Variants in AKAP19 observed in about 807,000 individuals in gnomAD.
The protein encoded by AKAP19 is A-kinase anchoring protein 19, also known as small A-kinase anchoring protein.
chr2:190,201,622 A>G, the AKAP19 span: 1 of 167,078 alleles, frequency 6.0e-6, no homozygotes, highest in African/African-American at 2.4e-5. Context: ...AAATAGAGTG[A>G]ATTCTCCAAG....
chr2:189,997,524 CT>C, the AKAP19 span, among the ~76,000 whole-genome samples: 1 of 152,096 alleles, frequency 6.6e-6, no homozygotes, highest in African/African-American at 2.4e-5. Context: ...GGGATTATGG[CT>C]GCCTCTGTCA....
chr2:190,125,035 TCTC>T, the AKAP19 span, among the ~76,000 whole-genome samples: 1 of 152,144 alleles, frequency 6.6e-6, no homozygotes, highest in Admixed American at 6.5e-5. Flanking sequence ...GGAGCTGTCA[TCTC>T]CTCTGACAAC....
At chr2:190,107,406 G>A in the AKAP19 span, among the ~76,000 whole-genome samples, 1 of 151,884 alleles carries the variant, frequency 6.6e-6, no homozygotes, top group African/African-American at 2.4e-5. Context: ...TTTCATTCAA[G>A]TTGTGATTCC....
chr2:189,881,608 C>T, the AKAP19 span, among the ~76,000 whole-genome samples: 8 of 152,128 alleles, frequency 5.3e-5, no homozygotes, highest in African/African-American at 1.9e-4. Flanking sequence ...TTATTTTCTT[C>T]TGAAGTTTAA....
chr2:190,200,497 T>TTAAAA, the AKAP19 span: 1 of 186,302 alleles, frequency 5.4e-6, no homozygotes, highest in African/African-American at 2.7e-5. Flanking sequence ...AGTTTATCCT[T>TTAAAA]TAAAATAACA....
At chr2:190,051,430 G>T in the AKAP19 span, among the ~76,000 whole-genome samples, 1 of 152,192 alleles carries the variant, frequency 6.6e-6, no homozygotes, top group African/African-American at 2.4e-5. Context: ...TCTTTGGCCA[G>T]GATGAGGAAT....
At chr2:190,156,144 T>C in the AKAP19 span, among the ~76,000 whole-genome samples, 2 of 152,064 alleles carry the variant, frequency 1.3e-5, no homozygotes, top group Non-Finnish European at 2.9e-5. Context: ...AAGAATAGAA[T>C]AGAGGGCTCA....
At chr2:189,974,595 T>G in the AKAP19 span, among the ~76,000 whole-genome samples, 1 of 152,200 alleles carries the variant, frequency 6.6e-6, no homozygotes, top group African/African-American at 2.4e-5. Flanking sequence ...AGTCTCCCAT[T>G]ATTATTGTGT....
At chr2:190,102,761 C>T in the AKAP19 span, among the ~76,000 whole-genome samples, 9 of 152,036 alleles carry the variant, frequency 5.9e-5, no homozygotes, top group East Asian at 5.8e-4. Flanking sequence ...TACTGCTAGA[C>T]GTACAAAGAA....
chr2:190,078,444 G>A, the AKAP19 span, among the ~76,000 whole-genome samples: 3 of 152,074 alleles, frequency 2.0e-5, no homozygotes, highest in Admixed American at 2.0e-4. Flanking sequence ...TGGAAATAAA[G>A]CACTTATGAT....
chr2:189,989,384 G>A, the AKAP19 span, among the ~76,000 whole-genome samples: 12 of 151,902 alleles, frequency 7.9e-5, no homozygotes, highest in East Asian at 2.3e-3. Flanking sequence ...TTCAATAAAT[G>A]TAATGAACTA....
the AKAP19 span, among the ~76,000 whole-genome samples, chr2:189,969,954 C>G: frequency 6.7e-6 from 1 of 149,246 alleles, no homozygotes; most frequent in African/African-American, 2.5e-5. Flanking sequence ...CTCACTGCAG[C>G]CTCAATCTCC....
chr2:190,114,503 G>A, the AKAP19 span, among the ~76,000 whole-genome samples: 1 of 152,114 alleles, frequency 6.6e-6, no homozygotes. Context: ...TTGCCCAGGC[G>A]GGAGTCCAGT....
the AKAP19 span, among the ~76,000 whole-genome samples, chr2:189,902,832 T>A: frequency 4.6e-5 from 7 of 151,886 alleles, no homozygotes; most frequent in African/African-American, 1.7e-4. Context: ...TAAGGAAGGT[T>A]ATCGGTTTCA....
the AKAP19 span, among the ~76,000 whole-genome samples, chr2:189,981,829 C>G: frequency 6.6e-6 from 1 of 152,064 alleles, no homozygotes; most frequent in Non-Finnish European, 1.5e-5. Flanking sequence ...AAAGATAGCC[C>G]CCAATCTCAT....
the AKAP19 span, among the ~76,000 whole-genome samples, chr2:189,905,817 T>A: frequency 6.6e-6 from 1 of 152,024 alleles, no homozygotes; most frequent in African/African-American, 2.4e-5. Context: ...TCTTTCCATG[T>A]TAGGGAAGTC....
At chr2:190,010,928 T>G in the AKAP19 span, among the ~76,000 whole-genome samples, 1 of 152,160 alleles carries the variant, frequency 6.6e-6, no homozygotes, top group African/African-American at 2.4e-5. Context: ...ATTGAGTCAT[T>G]TGAGTATCTT....
chr2:189,937,463 C>A, the AKAP19 span, among the ~76,000 whole-genome samples: 1 of 151,816 alleles, frequency 6.6e-6, no homozygotes, highest in African/African-American at 2.4e-5. Flanking sequence ...AAGAGAGCAC[C>A]GAGATCATCA....
At chr2:190,111,915 T>C in the AKAP19 span, among the ~76,000 whole-genome samples, 9 of 152,218 alleles carry the variant, frequency 5.9e-5, no homozygotes, top group African/African-American at 1.9e-4. Context: ...TGTTTGTCTT[T>C]GAGATGGAGT....
Sources: allele counts gnomAD v4.1 joint callset (sites outside exome capture counted in the v4.1 genomes callset), GRCh38; gene constraint gnomAD v4.1.1; transcripts MANE v1.5; gene names NCBI Gene and HGNC (gene_info 2026-07-23, HGNC 2026-07-21).